KCNIP1: variants seen among roughly 807,000 people sequenced by gnomAD.
The protein encoded by KCNIP1 is A-type potassium channel modulatory protein KCNIP1.
A neutral mutation model predicts 33.0 loss-of-function variants in KCNIP1; 18 were observed. The observed-to-expected ratio is 0.55, with a 90% CI of 0.38 to 0.81. KCNIP1 has a LOEUF of 0.81. Ranked by LOEUF, KCNIP1 falls within the 30% of genes least tolerant of loss-of-function variation. The probability of loss-of-function intolerance (pLI) is 0.00; values close to 1 mark genes in which losing one functional copy is unlikely to be tolerated. For missense variants in KCNIP1, 238 were observed against 271.6 expected, an observed-to-expected ratio of 0.88 and a Z score of 0.87; for synonymous variants, 93 against 98.3, an observed-to-expected ratio of 0.95 and a Z score of 0.32.
At chr5:170,457,584 A>T (rs1012471595) in intron 1 of KCNIP1, among the ~76,000 whole-genome samples, 2 of 152,232 alleles carry the variant, frequency 1.3e-5, no homozygotes, top group Non-Finnish European at 2.9e-5. Flanking sequence ...CTAGATCCAG[A>T]AGAGAGATAA....
chr5:170,409,262 T>C (rs866450901), intron 1 of KCNIP1, among the ~76,000 whole-genome samples: 15 of 152,168 alleles, frequency 9.9e-5, no homozygotes, highest in Non-Finnish European at 1.8e-4. Flanking sequence ...CTGTCCTCCT[T>C]GGCTGGGAGT....
At chr5:170,606,868 C>T (rs1758941389) in intron 1 of KCNIP1, among the ~76,000 whole-genome samples, 1 of 152,232 alleles carries the variant, frequency 6.6e-6, no homozygotes, top group Non-Finnish European at 1.5e-5. Context: ...TTCCCCTCCA[C>T]CGAAGCACTA....
chr5:170,499,236 T>C (rs558978932), upstream of KCNIP1, among the ~76,000 whole-genome samples: 1 of 152,248 alleles, frequency 6.6e-6, no homozygotes, highest in Non-Finnish European at 1.5e-5. Flanking sequence ...GAGAATAGAT[T>C]TCCTATCAAA....
intron 1 of KCNIP1, among the ~76,000 whole-genome samples, chr5:170,616,205 A>G (rs1759361422): frequency 6.6e-6 from 1 of 152,200 alleles, no homozygotes; most frequent in Non-Finnish European, 1.5e-5. Flanking sequence ...TCCATAGGGT[A>G]GTTTTGAGAA....
intron 1 of KCNIP1, among the ~76,000 whole-genome samples, chr5:170,456,701 T>TTCTTTCTTTC (rs1554093874): frequency 1.4e-4 from 19 of 135,774 alleles, no homozygotes; most frequent in South Asian, 7.0e-4. Flanking sequence ...CTCTCTCTCT[T>TTCTTTCTTTC]TTTCTTTCTT....
intron 1 of KCNIP1, among the ~76,000 whole-genome samples, chr5:170,555,979 C>T (rs374556591): frequency 2.4e-4 from 37 of 152,312 alleles, no homozygotes; most frequent in Non-Finnish European, 4.9e-4. Context: ...CAGCCTCCTG[C>T]CCCACTGTGG....
chr5:170,427,100 C>T (rs1200400791), intron 1 of KCNIP1, among the ~76,000 whole-genome samples: 2 of 152,242 alleles, frequency 1.3e-5, no homozygotes, highest in South Asian at 4.1e-4. Context: ...TGCTACAACA[C>T]AGGGTAGGGG....
intron 1 of KCNIP1, among the ~76,000 whole-genome samples, chr5:170,440,787 G>A (rs1399859336): frequency 6.6e-6 from 1 of 152,178 alleles, no homozygotes; most frequent in Non-Finnish European, 1.5e-5. Context: ...GGAGAGTTGG[G>A]GGTTAACTGA....
At chr5:170,380,593 CCCCAGCCAGCCAGGGAGTAG>C (rs761280514) in intron 1 of KCNIP1, among the ~76,000 whole-genome samples, 1 of 152,222 alleles carries the variant, frequency 6.6e-6, no homozygotes. Context: ...AGATCTAGGG[CCCCAGCCAGCCAGGGAGTAG>C]CTGAGGCTGG....
rs144103016 is a variant in KCNIP1, at chr5:170,673,729, C to T, written c.62-45029C>T. Among the ~76,000 whole-genome samples the T allele has an allele frequency of 4.9e-4, 75 of 152,192 alleles. No homozygotes were observed. In the East Asian group the frequency reaches 0.013, roughly 26 times the overall value. ...AATGTATCTTCCTGGGCTGTGTCCT[C>T]GCAGGGAGATATAACATCTATGTCA... is the stretch of plus-strand genomic sequence containing the variant. On this transcript the variant is annotated intron_variant, in intron 1 of 7. Coordinates refer to ENST00000328939, the MANE Select transcript of KCNIP1 (RefSeq NM_014592.4).
At chr5:170,631,260 C>T (rs907135371) in intron 1 of KCNIP1, among the ~76,000 whole-genome samples, 1 of 152,118 alleles carries the variant, frequency 6.6e-6, no homozygotes, top group Non-Finnish European at 1.5e-5. Context: ...GTTAGAATTC[C>T]TACCTCCCAG....
At chr5:170,720,180 T>C (rs1046145360) in intron 2 of KCNIP1, 141 bp from the exon 3 acceptor site, 7 of 648,842 alleles carry the variant, frequency 1.1e-5, no homozygotes, top group Non-Finnish European at 2.0e-5. Context: ...AGTCCTGAGA[T>C]GGCACTACTT....
chr5:170,644,511 A>G (rs905656272), intron 1 of KCNIP1, among the ~76,000 whole-genome samples: 2 of 152,212 alleles, frequency 1.3e-5, no homozygotes, highest in African/African-American at 4.8e-5. Context: ...TCTCACTCCA[A>G]CTGGGTGCTG....
At chr5:170,578,792 G>C (rs1006156334) in intron 1 of KCNIP1, among the ~76,000 whole-genome samples, 67 of 152,206 alleles carry the variant, frequency 4.4e-4, no homozygotes, top group African/African-American at 1.3e-3. Flanking sequence ...TGATCAGGGA[G>C]AATCTCTCTG....
At chr5:170,395,933 C>G (rs1754750526) in intron 1 of KCNIP1, among the ~76,000 whole-genome samples, 1 of 152,164 alleles carries the variant, frequency 6.6e-6, no homozygotes, top group African/African-American at 2.4e-5. Context: ...ATCGGTGTCC[C>G]TAGGTGTGCT....
intron 1 of KCNIP1, among the ~76,000 whole-genome samples, chr5:170,558,180 G>A (rs1000116452): frequency 6.6e-6 from 1 of 152,116 alleles, no homozygotes; most frequent in Non-Finnish European, 1.5e-5. Context: ...GAACTTTAAT[G>A]TAAAGTGCCA....
intron 1 of KCNIP1, among the ~76,000 whole-genome samples, chr5:170,430,662 T>G (rs1755720027): frequency 6.6e-6 from 1 of 152,156 alleles, no homozygotes; most frequent in Non-Finnish European, 1.5e-5. Flanking sequence ...AGGAAGTGCT[T>G]GCTAAACCAA....
chr5:170,518,706 C>T (rs1293126797), intron 1 of KCNIP1, among the ~76,000 whole-genome samples: 1 of 152,162 alleles, frequency 6.6e-6, no homozygotes, highest in Non-Finnish European at 1.5e-5. Flanking sequence ...CTACACTGCC[C>T]CTGGAAGCCC....
At chr5:170,549,209 A>G (rs1322693366) in intron 1 of KCNIP1, among the ~76,000 whole-genome samples, 1 of 152,240 alleles carries the variant, frequency 6.6e-6, no homozygotes, top group Admixed American at 6.5e-5. Context: ...ACTTTCATCC[A>G]GAGTTTCAAG....
Sources: gnomAD v4.1 joint callset for allele counts (sites outside exome capture counted in the v4.1 genomes callset) on GRCh38, gnomAD v4.1.1 for gene constraint, MANE v1.5 for transcripts, NCBI Gene and HGNC (gene_info 2026-07-23, HGNC 2026-07-21) for gene names.